Variants in CBFA2T2 observed in about 807,000 individuals in gnomAD.
CBFA2T2 encodes protein CBFA2T2.
In CBFA2T2, 11 loss-of-function variants were observed where a neutral mutation model predicts 62.2. The ratio of observed to expected loss-of-function variants is 0.18; its 90% CI spans 0.11 to 0.29. The LOEUF (loss-of-function observed/expected upper bound fraction) is 0.29. Ranked by LOEUF, CBFA2T2 falls within the 10% of genes least tolerant of loss-of-function variation. The pLI is 1.00. For synonymous variants in CBFA2T2, 295 were observed against 287.5 expected, an observed-to-expected ratio of 1.03 and a Z score of -0.27; for missense variants, 592 against 774.1, an observed-to-expected ratio of 0.76 and a Z score of 2.79.
chr20:33,584,801 A>G (rs1250126669), intron 1 of CBFA2T2, among the ~76,000 whole-genome samples: 1 of 152,196 alleles, frequency 6.6e-6, no homozygotes, highest in Admixed American at 6.5e-5. Flanking sequence ...TGCTTATTTT[A>G]TAGAGCTTGA....
intron 1 of CBFA2T2, chr20:33,573,887 T>C (rs568424035): frequency 3.7e-6 from 1 of 270,272 alleles, no homozygotes; most frequent in Admixed American, 5.0e-5. Context: ...CTCAGGTAGT[T>C]GTCCCACCTC....
At chr20:33,636,489 A>G (rs1051824376) in intron 8 of CBFA2T2, 151 bp from the exon 9 acceptor site, 1 of 567,578 alleles carries the variant, frequency 1.8e-6, no homozygotes, top group Non-Finnish European at 3.2e-6. Flanking sequence ...GTACTATTTT[A>G]TAATCTGGTT....
At chr20:33,539,028 A>G (rs1439894011) in intron 1 of CBFA2T2, among the ~76,000 whole-genome samples, 1 of 152,226 alleles carries the variant, frequency 6.6e-6, no homozygotes, top group Non-Finnish European at 1.5e-5. Context: ...CCTGTCAATA[A>G]TTGGCATTTC....
chr20:33,573,905 C>T (rs925629714), intron 1 of CBFA2T2: 15 of 290,220 alleles, frequency 5.2e-5, no homozygotes, highest in Non-Finnish European at 9.2e-5. Context: ...CTCAGCCTCC[C>T]GAATAGCTAG....
intron 6 of CBFA2T2, among the ~76,000 whole-genome samples, chr20:33,627,398 G>A (rs778532556): frequency 2.0e-5 from 3 of 151,912 alleles, no homozygotes; most frequent in Admixed American, 6.6e-5. Flanking sequence ...TCCGTCAAGG[G>A]GGGGGAAAAA....
chr20:33,616,971 C>T (rs915381878), intron 3 of CBFA2T2, among the ~76,000 whole-genome samples: 1 of 152,154 alleles, frequency 6.6e-6, no homozygotes, highest in Non-Finnish European at 1.5e-5. Context: ...AGGTAACACC[C>T]ATAATCCCAG....
intron 1 of CBFA2T2, among the ~76,000 whole-genome samples, chr20:33,536,141 A>G: frequency 6.6e-6 from 1 of 152,182 alleles, no homozygotes; most frequent in Non-Finnish European, 1.5e-5. Context: ...CTATTCCACA[A>G]AACCGCCATT....
At chr20:33,558,646 G>C (rs2012988665) in intron 1 of CBFA2T2, among the ~76,000 whole-genome samples, 1 of 152,000 alleles carries the variant, frequency 6.6e-6, no homozygotes, top group African/African-American at 2.4e-5. Context: ...GGTAAAGCAT[G>C]ATTCATTAGG....
Position 33,648,116 on chromosome 20 carries a change from A to G in CBFA2T2, c.*3470A>G. The G allele has an allele frequency of 6.6e-6, 1 of 152,392 alleles. No homozygotes were observed. The highest frequency in any genetic ancestry group is 1.5e-5 in the Non-Finnish European group (1 of 68,054). 9.4% of individuals were successfully genotyped at this position (152,392 alleles called of 1,614,324 possible). ...GCTACCAGGTGGGGAGTGGAAATTC[A>G]GCCTGCTTAGAGGACTGACCTCTAC... On this transcript the variant is annotated 3_prime_UTR_variant, in exon 11 of 11. Transcript: ENST00000342704.
intron 1 of CBFA2T2, among the ~76,000 whole-genome samples, chr20:33,536,292 C>CG (rs1555832622): frequency 1.4e-5 from 2 of 144,052 alleles, no homozygotes; most frequent in Non-Finnish European, 3.1e-5. Flanking sequence ...GCTGGCCGGG[C>CG]GGGGGGCTGA....
At chr20:33,555,619 C>T (rs1402026493) in intron 1 of CBFA2T2, among the ~76,000 whole-genome samples, 1 of 152,206 alleles carries the variant, frequency 6.6e-6, no homozygotes, top group East Asian at 1.9e-4. Context: ...TACTTAAATG[C>T]ATATTTCCTG....
intron 1 of CBFA2T2, among the ~76,000 whole-genome samples, chr20:33,526,142 C>T (rs962737576): frequency 1.3e-5 from 2 of 152,186 alleles, no homozygotes; most frequent in African/African-American, 4.8e-5. Context: ...CCGCCTTGGC[C>T]TCCCAAAGTG....
intron 1 of CBFA2T2, among the ~76,000 whole-genome samples, chr20:33,604,768 C>T (rs1375171343): frequency 6.6e-6 from 1 of 152,240 alleles, no homozygotes; most frequent in Non-Finnish European, 1.5e-5. Context: ...GGTTGTTGCA[C>T]ACTGTACACA....
In CBFA2T2 at chr20:33,493,946, C is replaced by T. The variant is rs139604428; in HGVS notation, c.34+3645C>T. On this transcript the variant is annotated intron_variant, in intron 1 of 10. Coordinates refer to ENST00000342704, the MANE Select transcript of CBFA2T2 (RefSeq NM_001032999.3). ...TTGCCCCAGCTGGAGTGCAGTGGTG[C>T]GATCTCGGCTCACTGCATCGTCCAT... Among the ~76,000 whole-genome samples, 180 of 151,366 alleles carry T rather than the reference C, an allele frequency of 1.2e-3. 1 individual carries two copies. The highest frequency in any genetic ancestry group is 4.1e-3 in the African/African-American group (170 of 41,232).
intron 3 of CBFA2T2, 85 bp from the exon 4 acceptor site, chr20:33,619,432 T>TAAAAA: frequency 3.9e-6 from 2 of 515,586 alleles, no homozygotes; most frequent in South Asian, 3.7e-5. Flanking sequence ...TAAATAACAT[T>TAAAAA]AAAAAAAAAA....
At chr20:33,518,226 C>T (rs537318593) in intron 1 of CBFA2T2, among the ~76,000 whole-genome samples, 7 of 152,106 alleles carry the variant, frequency 4.6e-5, no homozygotes, top group African/African-American at 7.2e-5. Context: ...GGATTACAGG[C>T]GTGAGTCACT....
chr20:33,589,339 T>A (rs2014514489), intron 1 of CBFA2T2, among the ~76,000 whole-genome samples: 1 of 152,218 alleles, frequency 6.6e-6, no homozygotes, highest in Admixed American at 6.5e-5. Flanking sequence ...TTACCCCCAA[T>A]GCATTGTAAT....
chr20:33,546,252 A>G (rs561071974), intron 1 of CBFA2T2, among the ~76,000 whole-genome samples: 5 of 152,224 alleles, frequency 3.3e-5, no homozygotes, highest in African/African-American at 9.6e-5. Context: ...TTTATATAGG[A>G]TAAATAATGA....
Position 33,607,071 on chromosome 20 carries a change from G to C in CBFA2T2, c.150G>C (p.Pro50=), listed in dbSNP as rs372667109. Residue 50 remains proline, a synonymous_variant, in exon 2 of 11, where the codon CCG becomes CCC. Transcript: ENST00000342704. ...TCCCACCAATAAATCCTGGAGGACC[G>C]AGGCCAGTGTCCTTCACTCCTACTG... ...PPLPPINPGG[P]RPVSFTPTAL... 3 of 1,613,992 alleles carry C rather than the reference G, an allele frequency of 1.9e-6. No individual in the cohort carries two copies. Among genetic ancestry groups the C allele is most frequent in the Non-Finnish European group, 2.5e-6 (3 of 1,179,938 alleles).
Sources: gnomAD v4.1 joint callset for allele counts (sites outside exome capture counted in the v4.1 genomes callset) on GRCh38, gnomAD v4.1.1 for gene constraint, MANE v1.5 for transcripts, NCBI Gene and HGNC (gene_info 2026-07-23, HGNC 2026-07-21) for gene names.